Variants in PDE10A observed in about 807,000 individuals in gnomAD.
The protein encoded by PDE10A is phosphodiesterase 10A, also known as cAMP and cAMP-inhibited cGMP 3',5'-cyclic phosphodiesterase 10A.
A neutral mutation model predicts 97.7 loss-of-function variants in PDE10A; 39 were observed. That is an observed-to-expected ratio of 0.40 (90% CI 0.31 to 0.52). The LOEUF (loss-of-function observed/expected upper bound fraction) is 0.52, where lower values mean the gene tolerates loss of function less well. Among genes scored for constraint, PDE10A ranks in the 20% least tolerant of loss-of-function variants. The probability of loss-of-function intolerance (pLI) is 0.56; values close to 1 mark genes in which losing one functional copy is unlikely to be tolerated. For missense variants in PDE10A, 731 were observed against 1,047.8 expected (o/e 0.70, Z 4.17); for synonymous variants, 371 against 376.8 (o/e 0.98, Z 0.18).
At chr6:165,782,492 A>G (rs555581375) in intron 1 of PDE10A, among the ~76,000 whole-genome samples, 1 of 152,264 alleles carries the variant, frequency 6.6e-6, no homozygotes, top group Non-Finnish European at 1.5e-5. Context: ...GGCAGTTCTG[A>G]TGTGTATGAG....
intron 2 of PDE10A, among the ~76,000 whole-genome samples, chr6:165,513,826 A>G (rs1213691755): frequency 6.6e-6 from 1 of 152,236 alleles, no homozygotes; most frequent in East Asian, 1.9e-4. Context: ...TAGAAATACT[A>G]CTTATTTTTG....
At chr6:165,505,685 A>G (rs1481107909) in intron 2 of PDE10A, among the ~76,000 whole-genome samples, 4 of 152,170 alleles carry the variant, frequency 2.6e-5, no homozygotes, top group African/African-American at 9.7e-5. Context: ...AAACTGCACA[A>G]AACTATTTTG....
chr6:165,522,066 A>G (rs1359490361), intron 2 of PDE10A, among the ~76,000 whole-genome samples: 3 of 152,134 alleles, frequency 2.0e-5, no homozygotes, highest in Non-Finnish European at 4.4e-5. Flanking sequence ...TTGTTTATCC[A>G]TTCTTCTGTT....
At chr6:165,680,669 C>T (rs1413041363) in intron 1 of PDE10A, among the ~76,000 whole-genome samples, 2 of 152,110 alleles carry the variant, frequency 1.3e-5, no homozygotes, top group African/African-American at 2.4e-5. Flanking sequence ...TTTGGGAGGC[C>T]GAGGCGGGCA....
chr6:165,625,272 C>T (rs756928779), intron 1 of PDE10A, among the ~76,000 whole-genome samples: 41 of 152,256 alleles, frequency 2.7e-4, no homozygotes, highest in Non-Finnish European at 2.6e-4. Context: ...AGGCCAAGGC[C>T]GGGAGGCTAA....
chr6:165,505,502 A>G (rs569398248), intron 2 of PDE10A, among the ~76,000 whole-genome samples: 77 of 152,340 alleles, frequency 5.1e-4, no homozygotes, highest in South Asian at 3.9e-3. Flanking sequence ...AATATTACTA[A>G]TATGATACTT....
intron 14 of PDE10A, among the ~76,000 whole-genome samples, chr6:165,395,986 T>G (rs1347914468): frequency 6.6e-6 from 1 of 152,198 alleles, no homozygotes; most frequent in Non-Finnish European, 1.5e-5. Context: ...AAATGAGAAC[T>G]GTTTGATATC....
chr6:165,475,485 A>G (rs1779243472), intron 3 of PDE10A, among the ~76,000 whole-genome samples: 2 of 152,264 alleles, frequency 1.3e-5, no homozygotes, highest in African/African-American at 4.8e-5. Flanking sequence ...TGCATGCCAT[A>G]AAATTCAAGA....
chr6:165,442,038 A>G (rs1230849877), intron 5 of PDE10A, among the ~76,000 whole-genome samples: 2 of 152,158 alleles, frequency 1.3e-5, no homozygotes, highest in African/African-American at 4.8e-5. Flanking sequence ...TTAAACATAT[A>G]TATTTCTTTT....
chr6:165,613,074 A>G (rs1740686638), intron 1 of PDE10A, among the ~76,000 whole-genome samples: 3 of 152,098 alleles, frequency 2.0e-5, no homozygotes, highest in African/African-American at 7.2e-5. Context: ...ATTTTAACCA[A>G]TTTTCCTTCA....
intron 17 of PDE10A, among the ~76,000 whole-genome samples, chr6:165,385,141 G>T (rs879634784): frequency 6.6e-6 from 1 of 152,048 alleles, no homozygotes; most frequent in Admixed American, 6.6e-5. Context: ...AAGCTTGTAG[G>T]TGTCTTTTGA....
intron 1 of PDE10A, among the ~76,000 whole-genome samples, chr6:165,911,552 A>G (rs1782454051): frequency 6.6e-6 from 1 of 152,066 alleles, no homozygotes; most frequent in Non-Finnish European, 1.5e-5. Context: ...TCCCATCTAC[A>G]CTGTCTCTGG....
chr6:165,857,108 T>C (rs550405276), intron 1 of PDE10A, among the ~76,000 whole-genome samples: 44 of 152,322 alleles, frequency 2.9e-4, no homozygotes, highest in African/African-American at 9.9e-4. Context: ...CCTTGTTCTT[T>C]AGTTCTAAGC....
In PDE10A at chr6:165,582,287, G is replaced by A. The variant is rs1031435607; in HGVS notation, c.866-38719C>T. Among the ~76,000 whole-genome samples, 8 of 152,264 alleles carry A rather than the reference G, an allele frequency of 5.3e-5. 1 individual carries two copies. The highest frequency in any genetic ancestry group is 4.6e-4 in the Admixed American group (7 of 15,278). ...TTGAGTAGTCACTATGGAGCTTAAT[G>A]AGGTAAGTGGAAATACAGGGCCCAA... On this transcript the variant is annotated intron_variant, in intron 1 of 21. Transcript: ENST00000539869.
intron 16 of PDE10A, among the ~76,000 whole-genome samples, chr6:165,391,902 T>C (rs1176810655): frequency 6.6e-6 from 1 of 152,182 alleles, no homozygotes; most frequent in Non-Finnish European, 1.5e-5. Flanking sequence ...TGGACAGTCA[T>C]AGGTCCCCTA....
At chr6:165,413,864 T>A (rs1305813101) in intron 12 of PDE10A, among the ~76,000 whole-genome samples, 177 bp from the exon 13 acceptor site, 1 of 152,246 alleles carries the variant, frequency 6.6e-6, no homozygotes, top group East Asian at 1.9e-4. Flanking sequence ...CAGAGTTTTA[T>A]TAAAACCTTT....
At chr6:165,566,197 A>G (rs1784770160) in intron 1 of PDE10A, among the ~76,000 whole-genome samples, 1 of 152,232 alleles carries the variant, frequency 6.6e-6, no homozygotes, top group African/African-American at 2.4e-5. Flanking sequence ...TAAAGACTTA[A>G]CCCAGAATAG....
chr6:165,885,090 G>A (rs1230686854), intron 1 of PDE10A, among the ~76,000 whole-genome samples: 1 of 152,140 alleles, frequency 6.6e-6, no homozygotes, highest in African/African-American at 2.4e-5. Flanking sequence ...CCAGAGCTGG[G>A]AACTACAGGG....
At chr6:165,501,143 T>C (rs955455674) in intron 2 of PDE10A, among the ~76,000 whole-genome samples, 4 of 152,122 alleles carry the variant, frequency 2.6e-5, no homozygotes. Context: ...CTGGGCCAAT[T>C]TGTCTTTCTC....
Sources: allele counts gnomAD v4.1 joint callset (sites outside exome capture counted in the v4.1 genomes callset), GRCh38; gene constraint gnomAD v4.1.1; transcripts MANE v1.5; gene names NCBI Gene and HGNC (gene_info 2026-07-23, HGNC 2026-07-21).